The following DTNA variants were observed in gnomAD, a reference collection of about 807,000 sequenced individuals.
The protein encoded by DTNA is dystrophin-related protein 3.
DTNA carries 43 observed loss-of-function variants against 100.7 expected under a neutral mutation model. The ratio of observed to expected loss-of-function variants is 0.43; its 90% CI spans 0.33 to 0.55. DTNA has a LOEUF of 0.55. DTNA is among the 20% of genes least tolerant of loss of function. The pLI is 0.04. For synonymous variants in DTNA, 349 were observed against 347.9 expected, an observed-to-expected ratio of 1.00 and a Z score of -0.04; for missense variants, 798 against 953.9, an observed-to-expected ratio of 0.84 and a Z score of 2.15.
intron 3 of DTNA, among the ~76,000 whole-genome samples, chr18:34,786,564 C>T (rs1427997210): frequency 6.6e-6 from 1 of 152,120 alleles, no homozygotes; most frequent in East Asian, 1.9e-4. Context: ...ACACCAGTCA[C>T]CCTCACTTTA....
In DTNA at chr18:34,580,474, C is replaced by T. The variant is rs113645807; in HGVS notation, c.-2+86960C>T. Among the ~76,000 whole-genome samples the T allele has an allele frequency of 3.7e-3, 569 of 151,892 alleles. 9 individuals carry two copies. Among genetic ancestry groups the T allele is most frequent in the Middle Eastern group, 0.01 (3 of 294 alleles). On this transcript the variant is annotated intron_variant, in intron 1 of 19. Coordinates refer to the DTNA transcript ENST00000283365. ...TTCTCTATTTGGCTGTGTGTGGGGT[C>T]GGGGGGATGCAGGGAGACTGGATTA...
At chr18:34,745,846 A>T (rs773908259) in intron 1 of DTNA, among the ~76,000 whole-genome samples, 5 of 152,198 alleles carry the variant, frequency 3.3e-5, no homozygotes, top group Non-Finnish European at 7.3e-5. Context: ...TTGTGTGTGT[A>T]TATAGACATG....
intron 1 of DTNA, among the ~76,000 whole-genome samples, chr18:34,540,380 T>C (rs1371628011): frequency 6.6e-6 from 1 of 152,034 alleles, no homozygotes; most frequent in Non-Finnish European, 1.5e-5. Context: ...CTTCCTGTTG[T>C]CCACAATAAC....
intron 1 of DTNA, among the ~76,000 whole-genome samples, chr18:34,644,130 C>T (rs563788791): frequency 1.3e-5 from 2 of 152,224 alleles, no homozygotes; most frequent in South Asian, 4.1e-4. Context: ...AAGCTTCCCT[C>T]ACCAGATCGT....
chr18:34,877,959 G>GTTT, intron 19 of DTNA, 151 bp downstream of exon 19: 3 of 666,266 alleles, frequency 4.5e-6, no homozygotes, highest in Non-Finnish European at 7.1e-6. Context: ...GATTTGAGGG[G>GTTT]TTTTTTTTTT....
intron 1 of DTNA, among the ~76,000 whole-genome samples, chr18:34,691,221 AT>A (rs1464530769): frequency 6.6e-6 from 1 of 152,188 alleles, no homozygotes; most frequent in Non-Finnish European, 1.5e-5. Context: ...TCTTTTCTGT[AT>A]TCTTCCTCTC....
chr18:34,588,351 T>C (rs940691733), intron 1 of DTNA, among the ~76,000 whole-genome samples: 19 of 152,142 alleles, frequency 1.2e-4, no homozygotes, highest in African/African-American at 4.6e-4. Flanking sequence ...CTCATTGAAG[T>C]AGCTGCTCCC....
At chr18:34,620,133 C>T (rs2056177963) in intron 1 of DTNA, among the ~76,000 whole-genome samples, 1 of 152,072 alleles carries the variant, frequency 6.6e-6, no homozygotes, top group Admixed American at 6.6e-5. Flanking sequence ...GACAGTCTTA[C>T]TGGGAACAGG....
intron 1 of DTNA, among the ~76,000 whole-genome samples, chr18:34,555,052 C>A (rs1344371072): frequency 7.9e-6 from 1 of 126,772 alleles, no homozygotes; most frequent in African/African-American, 3.3e-5. Flanking sequence ...ACAATTTCAG[C>A]TCCTGTTATT....
At chr18:34,737,959 G>GGTATATTAGAGTATATACTAGA (rs2089951277) in intron 1 of DTNA, 1 of 152,000 alleles carries the variant, frequency 6.6e-6, no homozygotes, top group South Asian at 2.1e-4. Context: ...GACAATTATG[G>GGTATATTAGAGTATATACTAGA]GTATATTAGA....
Position 34,880,461 on chromosome 18 carries a change from T to G in DTNA, c.2162+742T>G, listed in dbSNP as rs865916812. On this transcript the variant is annotated intron_variant, in intron 20 of 22. Transcript: ENST00000444659. ...CAAAAGAAATGAAGAAAGTGGCCCATTAAATGACCATGGTTCATGGAGTTA... is the reference window on the plus strand; with the variant it reads ...CAAAAGAAATGAAGAAAGTGGCCCAGTAAATGACCATGGTTCATGGAGTTA... Among the ~76,000 whole-genome samples the G allele has an allele frequency of 2.6e-5, 4 of 152,240 alleles. No homozygotes were observed. In the Middle Eastern group the frequency reaches 0.01, roughly 388 times the overall value.
intron 1 of DTNA, among the ~76,000 whole-genome samples, chr18:34,611,875 C>T (rs1050085719): frequency 1.3e-5 from 2 of 152,184 alleles, no homozygotes; most frequent in East Asian, 1.9e-4. Flanking sequence ...TCGGGCATCT[C>T]GCTGGGCAGG....
intron 7 of DTNA, 112 bp downstream of exon 7, chr18:34,816,126 C>T (rs2095591404): frequency 2.7e-6 from 3 of 1,108,942 alleles, no homozygotes; most frequent in Non-Finnish European, 4.1e-6. Flanking sequence ...TTTAGTGGCT[C>T]TTAGTTTTGT....
At chr18:34,718,034 A>G (rs2084410169) in intron 1 of DTNA, among the ~76,000 whole-genome samples, 1 of 152,210 alleles carries the variant, frequency 6.6e-6, no homozygotes, top group Admixed American at 6.5e-5. Context: ...GCTTCTCTTT[A>G]CAATAAGTCA....
intron 1 of DTNA, among the ~76,000 whole-genome samples, chr18:34,642,882 G>T (rs1424205195): frequency 1.3e-5 from 2 of 152,038 alleles, no homozygotes; most frequent in Non-Finnish European, 2.9e-5. Context: ...AGGGAATCAT[G>T]CTGCCTTGGC....
chr18:34,861,462 G>C (rs927764849), intron 16 of DTNA, among the ~76,000 whole-genome samples: 1 of 142,030 alleles, frequency 7.0e-6, no homozygotes, highest in East Asian at 2.0e-4. Context: ...CTCCAGCCTG[G>C]GCGACTGAGC....
At chr18:34,804,044 C>T (rs1204628252) in intron 4 of DTNA, among the ~76,000 whole-genome samples, 2 of 152,144 alleles carry the variant, frequency 1.3e-5, no homozygotes, top group East Asian at 3.9e-4. Flanking sequence ...ACATCAAGGT[C>T]ATTCATTGTG....
chr18:34,706,992 G>A (rs751775439), upstream of DTNA, among the ~76,000 whole-genome samples: 4 of 152,064 alleles, frequency 2.6e-5, no homozygotes, highest in Non-Finnish European at 5.9e-5. Context: ...GCACTTTGTG[G>A]TATGAAAAAA....
chr18:34,833,749 T>C (rs1207934933), intron 11 of DTNA, among the ~76,000 whole-genome samples: 1 of 152,152 alleles, frequency 6.6e-6, no homozygotes, highest in Non-Finnish European at 1.5e-5. Flanking sequence ...TTAGAAATGA[T>C]AGTCTTGCTT....
Sources: allele counts gnomAD v4.1 joint callset (sites outside exome capture counted in the v4.1 genomes callset), GRCh38; gene constraint gnomAD v4.1.1; transcripts MANE v1.5; gene names NCBI Gene and HGNC (gene_info 2026-07-23, HGNC 2026-07-21).